The following KDM2B variants were observed in gnomAD, a reference collection of about 807,000 sequenced individuals.
KDM2B encodes the protein lysine-specific demethylase 2B.
A neutral mutation model predicts 150.0 loss-of-function variants in KDM2B; 26 were observed. The observed-to-expected ratio is 0.17, with a 90% CI of 0.13 to 0.24. KDM2B has a LOEUF of 0.24. Ranked by LOEUF, KDM2B falls within the 10% of genes least tolerant of loss-of-function variation. KDM2B has a pLI of 1.00. For missense variants in KDM2B, 1,265 were observed against 1,816.9 expected (o/e 0.70, Z 5.52); for synonymous variants, 734 against 729.5 (o/e 1.01, Z -0.10).
At chr12:121,472,618 T>C (rs1298291844) in intron 12 of KDM2B, among the ~76,000 whole-genome samples, 1 of 152,216 alleles carries the variant, frequency 6.6e-6, no homozygotes, top group Non-Finnish European at 1.5e-5. Context: ...AATATTTACA[T>C]TCACTGGAAG....
At chr12:121,580,669 C>G (rs528880319) in intron 1 of KDM2B, 117 bp downstream of exon 1, 2 of 1,384,462 alleles carry the variant, frequency 1.4e-6, no homozygotes, top group African/African-American at 2.9e-5. Context: ...AGCATGCTGG[C>G]GTGAAAGCCC....
At chr12:121,553,012 C>A (rs1889624569) in intron 4 of KDM2B, among the ~76,000 whole-genome samples, 1 of 152,034 alleles carries the variant, frequency 6.6e-6, no homozygotes, top group South Asian at 2.1e-4. Flanking sequence ...GCGGGCAGAT[C>A]ATGAGGTCAG....
At chr12:121,524,999 C>A (rs1031619071) in intron 8 of KDM2B, among the ~76,000 whole-genome samples, 4 of 152,226 alleles carry the variant, frequency 2.6e-5, no homozygotes, top group Admixed American at 2.0e-4. Context: ...TCTGCCTCCA[C>A]CTCTGTGGCT....
chr12:121,471,554 G>A (rs1423287976), intron 12 of KDM2B, among the ~76,000 whole-genome samples: 2 of 152,078 alleles, frequency 1.3e-5, no homozygotes, highest in Non-Finnish European at 2.9e-5. Context: ...ACAGGAAGAC[G>A]ATGACACTTG....
At chr12:121,466,532 C>A (rs1555294812) in intron 12 of KDM2B, among the ~76,000 whole-genome samples, 1 of 151,924 alleles carries the variant, frequency 6.6e-6, no homozygotes, top group Admixed American at 6.6e-5. Flanking sequence ...GCCGCCGCTG[C>A]CGCCGTGCGG....
rs1354508520 is a variant in KDM2B at position 121,575,485 on chromosome 12, A to G, written c.350+296T>C. Among the ~76,000 whole-genome samples the G allele has an allele frequency of 1.3e-5, 2 of 152,124 alleles. No individual in the cohort carries two copies. Among genetic ancestry groups the G allele is most frequent in the African/African-American group, 4.8e-5 (2 of 41,418 alleles). Reference sequence around the variant, plus strand: ...GATCTGGAGCAAGGGGAAGGAGGAGAGGTACAATTCTCTGTAGGAGGTCAC... The same window carrying G: ...GATCTGGAGCAAGGGGAAGGAGGAGGGGTACAATTCTCTGTAGGAGGTCAC... On this transcript the variant is annotated intron_variant, in intron 3 of 22. Transcript: ENST00000377071. The surrounding 1 kb of genome is among the most constrained non-coding windows in gnomAD (Gnocchi z 4.4).
At chr12:121,519,627 T>G (rs1886515691) in intron 9 of KDM2B, among the ~76,000 whole-genome samples, 1 of 151,566 alleles carries the variant, frequency 6.6e-6, no homozygotes, top group Non-Finnish European at 1.5e-5. Flanking sequence ...AGGGGAAAGG[T>G]GGGGAGACAC....
At chr12:121,562,669 G>A (rs1324411221) in intron 4 of KDM2B, among the ~76,000 whole-genome samples, 1 of 151,190 alleles carries the variant, frequency 6.6e-6, no homozygotes, top group East Asian at 1.9e-4. Flanking sequence ...AGGAGGAAGG[G>A]GGGAGGAAGA....
At position 121,442,350 on chromosome 12, in the gene KDM2B, ACACGGAGGGTGGGGG is replaced by A; in HGVS notation, c.3076_3090del (p.Pro1026_Val1030del). The A allele has an allele frequency of 1.9e-6, 3 of 1,564,590 alleles. No individual in the cohort carries two copies. Among genetic ancestry groups the A allele is most frequent in the South Asian group, 2.3e-5 (2 of 88,036 alleles). On this transcript the variant is annotated inframe_deletion, in exon 19 of 23. Coordinates refer to ENST00000377071, the MANE Select transcript of KDM2B (RefSeq NM_032590.5). The surrounding 1 kb of genome is among the most constrained non-coding windows in gnomAD (Gnocchi z 7.7). Reference sequence around the variant, plus strand: ...TCCATCTGGATACACTTGGGCGGGGACACGGAGGGTGGGGGCCGGGAGATGACACGGGGCGGGCTG... The same window carrying A: ...TCCATCTGGATACACTTGGGCGGGGACCGGGAGATGACACGGGGCGGGCTG...
rs1018112726 is a variant in KDM2B, at chr12:121,578,941, C to T, written c.132G>A (p.Pro44=). The change falls in exon 2 of 23, where the codon CCG becomes CCA. Residue 44 remains proline (P), a synonymous_variant. Transcript: ENST00000377071. ...CFEFESATQR[P]IDRQRYDENE... Reference sequence around the variant, plus strand: ...TCTCGTCGTATCGCTGGCGGTCAATCGGGCGCTGCGAGGACCCAAACCAGA... The same window carrying T: ...TCTCGTCGTATCGCTGGCGGTCAATTGGGCGCTGCGAGGACCCAAACCAGA... The T allele has an allele frequency of 1.5e-5, 24 of 1,611,706 alleles. No individual in the cohort carries two copies. The African/African-American group carries it at 1.7e-4, about 12-fold the overall frequency.
intron 4 of KDM2B, among the ~76,000 whole-genome samples, chr12:121,564,503 T>C (rs1336561113): frequency 2.6e-5 from 4 of 151,792 alleles, no homozygotes; most frequent in Non-Finnish European, 5.9e-5. Context: ...GGCATAAAGA[T>C]TGGAAAGAAG....
In KDM2B at chr12:121,453,413, G is replaced by T; in HGVS notation, c.1735-69C>A. 8.0e-7 allele frequency: 1 copy of T among 1,248,220 alleles called. No individual in the cohort carries two copies. The highest frequency in any genetic ancestry group is 1.1e-6 in the Non-Finnish European group (1 of 902,000). 77.3% of individuals were successfully genotyped at this position (1,248,220 alleles called of 1,614,324 possible). A position where few individuals can be genotyped will look rare whatever the true frequency, so the allele number is the denominator to read the frequency against. Reference sequence around the variant, plus strand: ...GCACGGCCAGACCCCCGGAAAGGGTGTTAGGGAGCAAACTGTGTACCCCCA... The same window carrying T: ...GCACGGCCAGACCCCCGGAAAGGGTTTTAGGGAGCAAACTGTGTACCCCCA... On this transcript the variant is annotated intron_variant, in intron 12 of 22. Transcript: ENST00000377071. The surrounding 1 kb of genome is among the most constrained non-coding windows in gnomAD (Gnocchi z 6.4).
At chr12:121,558,814 T>C (rs1261105478) in intron 4 of KDM2B, among the ~76,000 whole-genome samples, 6 of 151,894 alleles carry the variant, frequency 4.0e-5, no homozygotes, top group Non-Finnish European at 8.8e-5. Flanking sequence ...TGGTCTCGAA[T>C]TCCTGACCTC....
At chr12:121,516,818 T>G (rs1555305084) in intron 9 of KDM2B, 9 of 650,002 alleles carry the variant, frequency 1.4e-5, no homozygotes, top group Admixed American at 8.0e-5. Context: ...CTTGAAAAAG[T>G]CAAAATGTGA....
At chr12:121,501,973 C>CTGG (rs1555302046) in intron 11 of KDM2B, among the ~76,000 whole-genome samples, 4 of 152,116 alleles carry the variant, frequency 2.6e-5, no homozygotes, top group Non-Finnish European at 4.4e-5. Flanking sequence ...GGGCTTTACA[C>CTGG]CTCACTGTTC....
chr12:121,507,953 G>A (rs1885238329), intron 11 of KDM2B, among the ~76,000 whole-genome samples: 1 of 152,192 alleles, frequency 6.6e-6, no homozygotes, highest in African/African-American at 2.4e-5. Context: ...CGAGGCTGCA[G>A]GGAGCCAAGC....
the KDM2B span, among the ~76,000 whole-genome samples, chr12:121,412,364 C>G: frequency 1.3e-5 from 2 of 151,414 alleles, no homozygotes; most frequent in Non-Finnish European, 2.9e-5. Flanking sequence ...CTTAGCCTCC[C>G]GAGTAGCTGG....
intron 21 of KDM2B, 135 bp from the exon 22 acceptor site, chr12:121,440,210 A>G (rs1223417923): frequency 1.6e-6 from 1 of 632,750 alleles, no homozygotes; most frequent in Non-Finnish European, 2.7e-6. Context: ...GCTTCCTCCC[A>G]AAATCATAAT....
chr12:121,449,455 C>G (rs558890378), intron 13 of KDM2B, among the ~76,000 whole-genome samples: 2 of 152,152 alleles, frequency 1.3e-5, no homozygotes, highest in Admixed American at 6.5e-5. Context: ...GTTCCAGAAG[C>G]CACGTCAAGC....
Sources: gnomAD v4.1 joint callset for allele counts (sites outside exome capture counted in the v4.1 genomes callset) on GRCh38, gnomAD v4.1.1 for gene constraint, Gnocchi (gnomAD v3.1) non-coding constraint, MANE v1.5 for transcripts, NCBI Gene and HGNC (gene_info 2026-07-23, HGNC 2026-07-21) for gene names.